Variants in DUSP14 observed in about 807,000 individuals in gnomAD.
DUSP14 encodes dual specificity phosphatase 14.
Under a neutral mutation model 13.2 loss-of-function variants are expected in DUSP14, and 5 were observed. The ratio of observed to expected loss-of-function variants is 0.38; its 90% confidence interval spans 0.20 to 0.80. DUSP14 has a LOEUF of 0.80. Ranked by LOEUF, DUSP14 falls within the 30% of genes least tolerant of loss-of-function variation. The probability of loss-of-function intolerance (pLI) is 0.44; values close to 1 mark genes in which losing one functional copy is unlikely to be tolerated. For synonymous variants in DUSP14, 91 were observed against 103.4 expected (o/e 0.88, Z 0.73); for missense variants, 185 against 264.0 (o/e 0.70, Z 2.07).
At position 37,513,103 on chromosome 17, in the gene DUSP14, T is replaced by C; in HGVS notation, c.*234T>C. 1.9e-6 allele frequency: 1 copy of C among 540,218 alleles called. No homozygotes were observed. The highest frequency in any genetic ancestry group is 3.3e-6 in the Non-Finnish European group (1 of 299,508). The allele number at this position is 540,218 out of a possible 1,614,324, so 33.5% of individuals were successfully genotyped here. ...TTTTGGAATAGTGTTTATGGAAATC[T>C]TTAGCTTTTAATCATTTTTACCAAT... On this transcript the variant is annotated 3_prime_UTR_variant, in exon 3 of 3. Coordinates refer to ENST00000617516, the MANE Select transcript of DUSP14 (RefSeq NM_007026.4).
At chr17:37,507,034 T>A (rs919890533) in intron 1 of DUSP14, among the ~76,000 whole-genome samples, 1 of 152,158 alleles carries the variant, frequency 6.6e-6, no homozygotes, top group Non-Finnish European at 1.5e-5. Context: ...AGAAGCAGTG[T>A]GTGGACTTGA....
intron 1 of DUSP14, among the ~76,000 whole-genome samples, chr17:37,490,318 G>A (rs1221379796): frequency 6.6e-6 from 1 of 152,148 alleles, no homozygotes; most frequent in Admixed American, 6.5e-5. Flanking sequence ...CGCTGAGGCC[G>A]CCTACTCTCG....
chr17:37,509,172 A>ATG (rs2054161088), intron 1 of DUSP14, among the ~76,000 whole-genome samples: 1 of 32,822 alleles, frequency 3.0e-5, no homozygotes, highest in African/African-American at 1.4e-4. Flanking sequence ...CACACACTCT[A>ATG]TATATATATG....
intron 2 of DUSP14, among the ~76,000 whole-genome samples, chr17:37,511,921 A>ACCAC (rs2054189823): frequency 2.0e-5 from 1 of 49,472 alleles, no homozygotes; most frequent in African/African-American, 7.0e-5. Context: ...ATGCCCAGCC[A>ACCAC]CCCCCCCCCC....
intron 1 of DUSP14, among the ~76,000 whole-genome samples, chr17:37,494,557 G>A (rs772155423): frequency 6.6e-6 from 1 of 152,126 alleles, no homozygotes; most frequent in Non-Finnish European, 1.5e-5. Flanking sequence ...TTGATTGCCC[G>A]TGTTTAGTTT....
At position 37,512,518 on chromosome 17, in the gene DUSP14, G is replaced by A. The variant is rs150587263; in HGVS notation, c.246G>A (p.Pro82=). Residue 82 remains proline (P), a synonymous_variant, in exon 3 of 3, where the codon CCG becomes CCA. Coordinates refer to ENST00000617516, the MANE Select transcript of DUSP14 (RefSeq NM_007026.4). The surrounding 1 kb of genome is among the most constrained non-coding windows in gnomAD (Gnocchi z 4.8). ...EYVKVPLADM[P]HAPIGLYFDT... ...TTAAAGTGCCTCTGGCTGACATGCC[G>A]CATGCCCCCATTGGACTGTACTTTG... 8.7e-5 allele frequency: 141 copies of A among 1,614,014 alleles called. No homozygotes were observed. The highest frequency in any genetic ancestry group is 4.0e-4 in the African/African-American group (30 of 74,904).
At chr17:37,507,106 C>T (rs1042798167) in intron 1 of DUSP14, among the ~76,000 whole-genome samples, 3 of 152,202 alleles carry the variant, frequency 2.0e-5, no homozygotes, top group Non-Finnish European at 4.4e-5. Flanking sequence ...AAATCTCTCA[C>T]CCTTTCTGAA....
At chr17:37,488,692 G>C (rs1010377621), upstream of DUSP14, among the ~76,000 whole-genome samples, 9 of 151,986 alleles carry the variant, frequency 5.9e-5, no homozygotes, top group Admixed American at 5.2e-4. Context: ...GGCCTTTTTC[G>C]TTTCCCAGGA....
At position 37,498,955 on chromosome 17, in the gene DUSP14, C is replaced by T. The variant is rs996522269; in HGVS notation, c.-181+8997C>T. ...CCTTGGGAGCACACTTTGAAGAATGCGTCTACTATGCTGTGATGGTTTTAT... is the reference window on the plus strand; with the variant it reads ...CCTTGGGAGCACACTTTGAAGAATGTGTCTACTATGCTGTGATGGTTTTAT... On this transcript the variant is annotated intron_variant, in intron 1 of 2. Coordinates refer to ENST00000617516, the MANE Select transcript of DUSP14 (RefSeq NM_007026.4). Among the ~76,000 whole-genome samples, 19 of 152,102 alleles carry T rather than the reference C, an allele frequency of 1.2e-4. No individual in the cohort carries two copies. The East Asian group carries it at 1.3e-3, about 11-fold the overall frequency.
chr17:37,495,646 G>C (rs560443445), intron 1 of DUSP14, among the ~76,000 whole-genome samples: 1 of 134,862 alleles, frequency 7.4e-6, no homozygotes, highest in South Asian at 2.7e-4. Context: ...CTTGCTTTAA[G>C]TTTTGTTTTT....
upstream of DUSP14, among the ~76,000 whole-genome samples, chr17:37,489,081 C>T (rs1457853732): frequency 6.6e-6 from 1 of 152,166 alleles, no homozygotes; most frequent in Non-Finnish European, 1.5e-5. Context: ...GGAGGCGGGG[C>T]TGTGCTGGAA....
Position 37,513,085 on chromosome 17 carries a change from A to T in DUSP14, c.*216A>T. Reference sequence around the variant, plus strand: ...ACATTTTTAAAATTAACATTTTGGAATAGTGTTTATGGAAATCTTTAGCTT... The same window carrying T: ...ACATTTTTAAAATTAACATTTTGGATTAGTGTTTATGGAAATCTTTAGCTT... On this transcript the variant is annotated 3_prime_UTR_variant, in exon 3 of 3. Coordinates refer to ENST00000617516, the MANE Select transcript of DUSP14 (RefSeq NM_007026.4). 1.8e-6 allele frequency: 1 copy of T among 551,058 alleles called. No homozygotes were observed. The highest frequency in any genetic ancestry group is 3.3e-6 in the Non-Finnish European group (1 of 305,302). 34.1% of individuals were successfully genotyped at this position (551,058 alleles called of 1,614,324 possible).
In DUSP14 at chr17:37,505,635, CTTTTT is replaced by C. The variant is rs35707292; in HGVS notation, c.-180-5024_-180-5020del. On this transcript the variant is annotated intron_variant, in intron 1 of 2. Transcript: ENST00000617516. ...AACTGCTGATTCTGGTGGTTGTCATCTTTTTTTTTTTTTTTTTTTTTTAAAGAAAA... is the reference window on the plus strand; with the variant it reads ...AACTGCTGATTCTGGTGGTTGTCATCTTTTTTTTTTTTTTTTTAAAGAAAA... Among the ~76,000 whole-genome samples the C allele has an allele frequency of 4.4e-3, 538 of 120,950 alleles. 3 individuals are homozygous for C. The highest frequency in any genetic ancestry group is 0.016 in the African/African-American group (504 of 32,182). The allele number at this position is 120,950 out of a possible 152,430, so 79.3% of individuals were successfully genotyped here.
chr17:37,510,330 G>A (rs909128602), intron 1 of DUSP14: 2 of 152,228 alleles, frequency 1.3e-5, no homozygotes, highest in Non-Finnish European at 2.9e-5. Context: ...GAAGAGACTC[G>A]AGTCCGTGTT....
At chr17:37,490,361 C>T (rs993727534) in intron 1 of DUSP14, among the ~76,000 whole-genome samples, 3 of 152,344 alleles carry the variant, frequency 2.0e-5, no homozygotes, top group African/African-American at 7.2e-5. Context: ...CGCGCCGCCG[C>T]TTTTTGCATC....
rs1296605395 is a variant in DUSP14, at chr17:37,512,315, G to T, written c.43G>T (p.Ala15Ser). Residue 15 changes from alanine to serine, a missense_variant, in exon 3 of 3, where the codon GCC (alanine) becomes TCC (serine). Physicochemically the swap from Ala to Ser is moderately conservative, Grantham distance 99. Coordinates refer to ENST00000617516, the MANE Select transcript of DUSP14 (RefSeq NM_007026.4). The surrounding 1 kb of genome is among the most constrained non-coding windows in gnomAD (Gnocchi z 4.8). ...GHSTLPRTLMAPRMISEGDIG... is the reference protein window; with the variant it reads ...GHSTLPRTLMSPRMISEGDIG... The stretch of plus-strand genomic sequence containing the variant: ...CAGCACGCTACCAAGGACTCTCATG[G>T]CCCCTCGGATGATTTCCGAGGGAGA... The T allele has an allele frequency of 1.2e-6, 2 of 1,613,562 alleles. No individual in the cohort carries two copies. Among genetic ancestry groups the T allele is most frequent in the African/African-American group, 2.7e-5 (2 of 74,860 alleles).
At chr17:37,499,848 T>A (rs374827429) in intron 1 of DUSP14, among the ~76,000 whole-genome samples, 3 of 152,382 alleles carry the variant, frequency 2.0e-5, no homozygotes, top group East Asian at 3.9e-4. Context: ...TTTTACTAAT[T>A]AGTAATGTAG....
intron 1 of DUSP14, among the ~76,000 whole-genome samples, chr17:37,497,119 A>G (rs997591097): frequency 2.7e-5 from 4 of 150,310 alleles, no homozygotes; most frequent in Non-Finnish European, 5.9e-5. Context: ...TTTCCTTCCA[A>G]CTCTATTTAA....
chr17:37,502,441 C>G (rs1047805899), intron 1 of DUSP14, among the ~76,000 whole-genome samples: 2 of 151,410 alleles, frequency 1.3e-5, no homozygotes, highest in African/African-American at 4.9e-5. Context: ...ACTTCGGCCT[C>G]CTAAAGTGCT....
Sources: allele counts gnomAD v4.1 joint callset (sites outside exome capture counted in the v4.1 genomes callset), GRCh38; gene constraint gnomAD v4.1.1; non-coding constraint Gnocchi (gnomAD v3.1); transcripts MANE v1.5; gene names NCBI Gene and HGNC (gene_info 2026-07-23, HGNC 2026-07-21).